DEF6: variants seen among roughly 807,000 people sequenced by gnomAD.
DEF6 encodes DEF6 guanine nucleotide exchange factor, also known as differentially expressed in FDCP 6 homolog.
In DEF6, 32 loss-of-function variants were observed where a neutral mutation model predicts 80.5. The observed-to-expected ratio is 0.40, with a 90% confidence interval of 0.30 to 0.53. The LOEUF (loss-of-function observed/expected upper bound fraction) is 0.53. Ranked by LOEUF, DEF6 falls within the 20% of genes least tolerant of loss-of-function variation. The pLI, the probability that DEF6 is intolerant of heterozygous loss-of-function variation, is 0.57. For missense variants in DEF6, 575 were observed against 818.7 expected (o/e 0.70, Z 3.63); for synonymous variants, 300 against 337.9 (o/e 0.89, Z 1.23).
At chr6:35,313,145 C>T (rs1791489348) in intron 5 of DEF6, among the ~76,000 whole-genome samples, 1 of 152,156 alleles carries the variant, frequency 6.6e-6, no homozygotes, top group Admixed American at 6.5e-5. Context: ...ATTCTCCTTC[C>T]ATACCCCTCT....
Position 35,319,674 on chromosome 6 carries a change from C to T in DEF6, c.1366C>T (p.Arg456Ter). Residue 456 changes from arginine (R) to a stop codon, truncating the protein, a stop_gained, in exon 8 of 11, where the codon CGA becomes TGA. Coordinates refer to ENST00000316637, the MANE Select transcript of DEF6 (RefSeq NM_022047.4). LOFTEE classifies it high-confidence loss of function. The surrounding 1 kb of genome is among the most constrained non-coding windows in gnomAD (Gnocchi z 4.5). ...VKARRDEESV[R>*]IAQTRLLEEE... ...AGCTCGGCGAGATGAAGAATCTGTG[C>T]GAATCGCTCAGACCAGGTAGGCCTG... is the stretch of plus-strand genomic sequence containing the variant. The T allele has an allele frequency of 6.2e-7, 1 of 1,612,210 alleles. No homozygotes were observed. The highest frequency in any genetic ancestry group is 8.5e-7 in the Non-Finnish European group (1 of 1,178,832).
intron 1 of DEF6, among the ~76,000 whole-genome samples, chr6:35,303,854 C>T (rs1791356831): frequency 1.3e-5 from 2 of 152,036 alleles, no homozygotes; most frequent in Admixed American, 1.3e-4. Context: ...AAAATTAGGC[C>T]CAGCACGGTG....
chr6:35,301,412 AC>A (rs1369617280), intron 1 of DEF6, among the ~76,000 whole-genome samples: 1 of 152,230 alleles, frequency 6.6e-6, no homozygotes, highest in Non-Finnish European at 1.5e-5. Context: ...TAAGCAAGTC[AC>A]TGTCCATCTT....
In DEF6 at chr6:35,320,994, G is replaced by A; in HGVS notation, c.1672+20G>A. 5.6e-6 allele frequency: 9 copies of A among 1,611,416 alleles called. No homozygotes were observed. The highest frequency in any genetic ancestry group is 7.6e-6 in the Non-Finnish European group (9 of 1,178,076). On this transcript the variant is annotated intron_variant, in intron 10 of 10. Coordinates refer to ENST00000316637, the MANE Select transcript of DEF6 (RefSeq NM_022047.4). Reference sequence around the variant, plus strand: ...CTGGAGGTGAGAAGGAATAGACTCTGGAGCTTTCCCTGGAGCTGGGAGGGA... The same window carrying A: ...CTGGAGGTGAGAAGGAATAGACTCTAGAGCTTTCCCTGGAGCTGGGAGGGA...
In DEF6 at chr6:35,320,059, G is replaced by A. The variant is rs931246177; in HGVS notation, c.1581+42G>A. 5.9e-6 allele frequency: 9 copies of A among 1,533,918 alleles called. No homozygotes were observed. The Admixed American group carries it at 9.8e-5, about 17-fold the overall frequency. The stretch of plus-strand genomic sequence containing the variant: ...GATGGGGTGGAGGCTGGCAGGGTGA[G>A]CTCATTAGGGCACAGGCTCTGGAGC... On this transcript the variant is annotated intron_variant, in intron 9 of 10. Transcript: ENST00000316637.
At chr6:35,305,220 A>T (rs1791373280) in intron 1 of DEF6, among the ~76,000 whole-genome samples, 1 of 148,348 alleles carries the variant, frequency 6.7e-6, no homozygotes, top group African/African-American at 2.5e-5. Context: ...ATCTCAGCTC[A>T]CTGCAGCCTT....
At position 35,318,558 on chromosome 6, in the gene DEF6, A is replaced by G; in HGVS notation, c.1215+87A>G. 7.9e-7 allele frequency: 1 copy of G among 1,269,674 alleles called. No individual in the cohort carries two copies. The highest frequency in any genetic ancestry group is 4.1e-5 in the Admixed American group (1 of 24,150). The allele number at this position is 1,269,674 out of a possible 1,614,324, so 78.7% of individuals were successfully genotyped here. A position where few individuals can be genotyped will look rare whatever the true frequency, so the allele number is the denominator to read the frequency against. On this transcript the variant is annotated intron_variant, in intron 7 of 10. Transcript: ENST00000316637. The surrounding 1 kb of genome is among the most constrained non-coding windows in gnomAD (Gnocchi z 5.1). ...AGCGCCGGGGGCGGGGCCTGGGCAG[A>G]GGGCGGAGCTCCTGGGTTGAGGGGC... is the stretch of plus-strand genomic sequence containing the variant.
In DEF6 at chr6:35,319,913, G is replaced by A. The variant is rs1791569047; in HGVS notation, c.1477G>A (p.Glu493Lys). Residue 493 changes from glutamate to lysine, a missense_variant, in exon 9 of 11, where the codon GAG (glutamate) becomes AAG (lysine). By Grantham distance (56) the Glu-to-Lys change is moderately conservative (BLOSUM62 1). Coordinates refer to ENST00000316637, the MANE Select transcript of DEF6 (RefSeq NM_022047.4). This position sits in a 1 kb window ranked among gnomAD's most constrained non-coding sequence, Gnocchi z 4.5. ...CGAACGGGCGCAGCAGGAGAAGGAA[G>A]AGCTGCAGCAGGAGATGGCACAGCA... ...YIERAQQEKE[E>K]LQQEMAQQSR... The A allele has an allele frequency of 6.4e-7, 1 of 1,571,972 alleles. No homozygotes were observed. Among genetic ancestry groups the A allele is most frequent in the South Asian group, 1.2e-5 (1 of 85,718 alleles).
chr6:35,320,867 T>C lies in DEF6; in HGVS notation c.1582-17T>C. ...GATGATGGTTCTGATCACTCCCCAC[T>C]GGCCCTGTCCCCACAGGCTGCCCAG... On this transcript the variant is annotated splice_polypyrimidine_tract_variant and intron_variant, in intron 9 of 10. Coordinates refer to ENST00000316637, the MANE Select transcript of DEF6 (RefSeq NM_022047.4). The C allele has an allele frequency of 6.3e-7, 1 of 1,598,076 alleles. No individual in the cohort carries two copies. The highest frequency in any genetic ancestry group is 8.5e-7 in the Non-Finnish European group (1 of 1,171,006).
intron 5 of DEF6, chr6:35,317,646 G>A (rs1427948577): frequency 4.4e-6 from 2 of 458,982 alleles, no homozygotes; most frequent in African/African-American, 4.0e-5. Context: ...ATTATGTACT[G>A]GGCCCCGTGG....
At position 35,298,832 on chromosome 6, in the gene DEF6, C is replaced by T. The variant is rs558252006; in HGVS notation, c.96+880C>T. Among the ~76,000 whole-genome samples the T allele has an allele frequency of 2.6e-5, 4 of 152,272 alleles. No homozygotes were observed. The South Asian group carries it at 8.3e-4, about 32-fold the overall frequency. On this transcript the variant is annotated intron_variant, in intron 1 of 10. Transcript: ENST00000316637. ...CTAGGACCTGCCATAGGGGTGCCTT[C>T]GTTCACTCTGCAAGTACTTGAGTGC...
At chr6:35,311,184 T>C (rs1037087758) in intron 3 of DEF6, among the ~76,000 whole-genome samples, 2 of 152,120 alleles carry the variant, frequency 1.3e-5, no homozygotes, top group Non-Finnish European at 1.5e-5. Context: ...CCCTATCTCC[T>C]TACTCCTGGG....
In DEF6 at chr6:35,306,233, G is replaced by C. The variant is rs140368089; in HGVS notation, c.97-3437G>C. Among the ~76,000 whole-genome samples the C allele has an allele frequency of 7.7e-4, 116 of 150,610 alleles. 1 individual carries two copies. The East Asian group carries it at 0.019, about 24-fold the overall frequency. ...AGTAAAGAAGAATATAATGTTGGCC[G>C]GGCGCGGTGGCTCATGCCTGTAACC... On this transcript the variant is annotated intron_variant, in intron 1 of 10. Coordinates refer to ENST00000316637, the MANE Select transcript of DEF6 (RefSeq NM_022047.4).
intron 1 of DEF6, among the ~76,000 whole-genome samples, chr6:35,306,805 AC>A (rs1791397018): frequency 6.6e-6 from 1 of 152,184 alleles, no homozygotes; most frequent in Admixed American, 6.5e-5. Flanking sequence ...ATCACCCACA[AC>A]TTTTATTAAG....
At chr6:35,306,487 G>A (rs1355012055) in intron 1 of DEF6, among the ~76,000 whole-genome samples, 1 of 151,468 alleles carries the variant, frequency 6.6e-6, no homozygotes, top group South Asian at 2.1e-4. Flanking sequence ...CTCCAGCCTG[G>A]GCAACAAGAG....
chr6:35,319,896 C>T lies in DEF6; in HGVS notation c.1460C>T (p.Ala487Val), dbSNP rs892058874. The T allele has an allele frequency of 1.9e-6, 3 of 1,576,334 alleles. No homozygotes were observed. The highest frequency in any genetic ancestry group is 1.7e-4 in the Middle Eastern group (1 of 6,014). The change falls in exon 9 of 11, where the codon GCG becomes GTG. Residue 487 changes from alanine (A) to valine (V), a missense_variant. Transcript: ENST00000316637. This position sits in a 1 kb window ranked among gnomAD's most constrained non-coding sequence, Gnocchi z 4.5. ...KEEQERYIERAQQEKEELQQE... is the reference protein window; with the variant it reads ...KEEQERYIERVQQEKEELQQE... ...GAGCAGGAGCGCTACATCGAACGGG[C>T]GCAGCAGGAGAAGGAAGAGCTGCAG...
In DEF6 at chr6:35,317,898, C is replaced by T. The variant is rs750359912; in HGVS notation, c.815C>T (p.Pro272Leu). 6.2e-7 allele frequency: 1 copy of T among 1,613,316 alleles called. No homozygotes were observed. The highest frequency in any genetic ancestry group is 8.5e-7 in the Non-Finnish European group (1 of 1,179,762). The change falls in exon 6 of 11, where the codon CCA becomes CTA. Residue 272 changes from proline to leucine, a missense_variant. Coordinates refer to ENST00000316637, the MANE Select transcript of DEF6 (RefSeq NM_022047.4). ...CCACCTACCCTGTGCCAGGTGCTGC[C>T]AGACCGCGACGGAAAGCGCTGCATG... ...LDAHCCVEVLPDRDGKRCMFC... is the reference protein window; with the variant it reads ...LDAHCCVEVLLDRDGKRCMFC...
Position 35,319,654 on chromosome 6 carries a change from G to A in DEF6, c.1346G>A (p.Arg449Gln). The A allele has an allele frequency of 6.2e-7, 1 of 1,613,486 alleles. No homozygotes were observed. Among genetic ancestry groups the A allele is most frequent in the Non-Finnish European group, 8.5e-7 (1 of 1,179,620 alleles). Reference protein sequence around the residue: ...QEALQLEVKARRDEESVRIAQ... With the variant: ...QEALQLEVKAQRDEESVRIAQ... ...GCCCTGCAACTAGAGGTGAAAGCTCGGCGAGATGAAGAATCTGTGCGAATC... is the reference window on the plus strand; with the variant it reads ...GCCCTGCAACTAGAGGTGAAAGCTCAGCGAGATGAAGAATCTGTGCGAATC... Residue 449 changes from arginine to glutamine, a missense_variant, in exon 8 of 11, where the codon CGG (arginine) becomes CAG (glutamine). Transcript: ENST00000316637. The surrounding 1 kb of genome is among the most constrained non-coding windows in gnomAD (Gnocchi z 4.5).
intron 1 of DEF6, among the ~76,000 whole-genome samples, chr6:35,308,370 G>GA (rs1292893306): frequency 3.2e-4 from 47 of 147,998 alleles, no homozygotes; most frequent in Admixed American, 1.1e-3. Flanking sequence ...TGTCTCTACC[G>GA]AAAAAAAAAA....
Sources: allele counts gnomAD v4.1 joint callset (sites outside exome capture counted in the v4.1 genomes callset), GRCh38; gene constraint gnomAD v4.1.1; non-coding constraint Gnocchi (gnomAD v3.1); transcripts MANE v1.5; gene names NCBI Gene and HGNC (gene_info 2026-07-23, HGNC 2026-07-21).